CHD5: variants seen among roughly 807,000 people sequenced by gnomAD.
The protein encoded by CHD5 is ATP-dependent chromatin remodeler CHD5.
A neutral mutation model predicts 230.3 loss-of-function variants in CHD5; 69 were observed. The observed-to-expected ratio is 0.30, with a 90% CI of 0.25 to 0.37. CHD5 has a LOEUF of 0.37. Ranked by LOEUF, CHD5 falls within the 10% of genes least tolerant of loss-of-function variation. The probability of loss-of-function intolerance (pLI) is 1.00; values close to 1 mark genes in which losing one functional copy is unlikely to be tolerated. For synonymous variants in CHD5, 1,064 were observed against 1,065.9 expected (o/e 1.00, Z 0.03); for missense variants, 1,827 against 2,622.8 (o/e 0.70, Z 6.63).
intron 38 of CHD5, among the ~76,000 whole-genome samples, chr1:6,109,572 C>T (rs1248971470): frequency 6.6e-6 from 1 of 152,194 alleles, no homozygotes; most frequent in East Asian, 1.9e-4. Context: ...ACAGAGCAGG[C>T]TTGAGAAACA....
In CHD5 at chr1:6,134,525, G is replaced by A. The variant is rs1666709510; in HGVS notation, c.3012+193C>T. ...ACCACAGCAGCGGGTTCCACGGTAA[G>A]TTCCCCAGCACCTACCAGAGTGGCC... On this transcript the variant is annotated intron_variant, in intron 19 of 41. Coordinates refer to ENST00000262450, the MANE Select transcript of CHD5 (RefSeq NM_015557.3). The surrounding 1 kb of genome is among the most constrained non-coding windows in gnomAD (Gnocchi z 6.3). Among the ~76,000 whole-genome samples, 1 of 152,174 alleles carries A rather than the reference G, an allele frequency of 6.6e-6. No individual in the cohort carries two copies. Among genetic ancestry groups the A allele is most frequent in the Non-Finnish European group, 1.5e-5 (1 of 68,022 alleles).
At chr1:6,122,667 C>T (rs1167784719) in intron 31 of CHD5, among the ~76,000 whole-genome samples, 1 of 152,172 alleles carries the variant, frequency 6.6e-6, no homozygotes, top group African/African-American at 2.4e-5. Context: ...CGTATGTCCA[C>T]GCAAAAACAT....
chr1:6,112,200 T>C lies in CHD5; in HGVS notation c.5080A>G (p.Lys1694Glu), dbSNP rs200902435. 2.5e-4 allele frequency: 403 copies of C among 1,614,120 alleles called. No individual in the cohort carries two copies. Among genetic ancestry groups the C allele is most frequent in the Non-Finnish European group, 3.0e-4 (355 of 1,180,014 alleles). ...TTGAATTTCCCCTTCTTGTCCTCCT[T>C]CTTCCCCTCGTCATCTTCCTCTTTG... ...GDKEEDDEGK[K>E]EDKKGKFKFM... Residue 1694 changes from lysine to glutamate, a missense_variant, in exon 35 of 42, where the codon AAG (lysine) becomes GAG (glutamate). Lys to Glu is a moderately conservative substitution (Grantham distance 56). Transcript: ENST00000262450.
At chr1:6,144,599 A>G (rs1666881712) in intron 11 of CHD5, among the ~76,000 whole-genome samples, 1 of 152,246 alleles carries the variant, frequency 6.6e-6, no homozygotes, top group Non-Finnish European at 1.5e-5. Flanking sequence ...TCATCTCTGC[A>G]AAGTAGATAA....
At chr1:6,150,900 T>C (rs1666996374) in intron 7 of CHD5, 132 bp downstream of exon 7, 2 of 1,186,376 alleles carry the variant, frequency 1.7e-6, no homozygotes. Flanking sequence ...GCCCTCCCCC[T>C]GCTTCCCACG....
intron 5 of CHD5, among the ~76,000 whole-genome samples, chr1:6,153,468 C>T (rs770295199): frequency 4.1e-4 from 62 of 152,186 alleles, no homozygotes; most frequent in Non-Finnish European, 8.4e-4. Context: ...AGACACAGAA[C>T]CCCAGAAACT....
chr1:6,124,663 TGGGGTGGG>T lies in CHD5; in HGVS notation c.4395-10_4395-3del. On this transcript the variant is annotated splice_region_variant and splice_polypyrimidine_tract_variant and intron_variant, in intron 29 of 41. Transcript: ENST00000262450. ...CGCATGAAGAGGGACACATAGGCTC[TGGGGTGGG>T]GGGGGGGGACTGGGGCTCAGGGAGT... 5.1e-5 allele frequency: 3 copies of T among 58,490 alleles called. No individual in the cohort carries two copies. Among genetic ancestry groups the T allele is most frequent in the Non-Finnish European group, 8.5e-5 (3 of 35,134 alleles). 3.6% of individuals were successfully genotyped at this position (58,490 alleles called of 1,614,324 possible).
Position 6,152,472 on chromosome 1 carries a change from C to T in CHD5, c.810G>A (p.Lys270=). Residue 270 remains lysine (K), a synonymous_variant, in exon 6 of 42, where the codon AAG becomes AAA. Transcript: ENST00000262450. The part of the protein sequence containing the change: ...KDGKKKGKGK[K]TAGLKFRFGG... Reference sequence around the variant, plus strand: ...CGAAGCGGAACTTGAGCCCGGCCGTCTTTTTCCCTTTGCCCTTTTTCTTCC... The same window carrying T: ...CGAAGCGGAACTTGAGCCCGGCCGTTTTTTTCCCTTTGCCCTTTTTCTTCC... The T allele has an allele frequency of 6.2e-7, 1 of 1,614,198 alleles. No homozygotes were observed. Among genetic ancestry groups the T allele is most frequent in the South Asian group, 1.1e-5 (1 of 91,080 alleles).
rs370445538 is a variant in CHD5 at position 6,145,459 on chromosome 1, A to C, written c.1802+753T>G. ...AGCAGGTACTCTGGGCCCCACCCCAAGGCCCATCTGTCAGCCACCACCAGT... is the reference window on the plus strand; with the variant it reads ...AGCAGGTACTCTGGGCCCCACCCCACGGCCCATCTGTCAGCCACCACCAGT... On this transcript the variant is annotated intron_variant, in intron 11 of 41. Coordinates refer to ENST00000262450, the MANE Select transcript of CHD5 (RefSeq NM_015557.3). Among the ~76,000 whole-genome samples the C allele has an allele frequency of 7.4e-4, 112 of 152,340 alleles. 2 individuals carry two copies. In the East Asian group the frequency reaches 0.015, roughly 20 times the overall value.
At chr1:6,122,625 A>G (rs1571144793) in intron 31 of CHD5, among the ~76,000 whole-genome samples, 1 of 152,202 alleles carries the variant, frequency 6.6e-6, no homozygotes, top group African/African-American at 2.4e-5. Flanking sequence ...CAGCAATTCC[A>G]TTCCTAGATA....
chr1:6,174,992 TGGATGGC>T lies in CHD5; in HGVS notation c.79+4946_79+4952del, dbSNP rs1179487424. Among the ~76,000 whole-genome samples the T allele has an allele frequency of 6.5e-3, 937 of 144,054 alleles. 16 individuals are homozygous for T. Among genetic ancestry groups the T allele is most frequent in the African/African-American group, 0.024 (885 of 37,162 alleles). The allele number at this position is 144,054 out of a possible 152,430, so 94.5% of individuals were successfully genotyped here. A position where few individuals can be genotyped will look rare whatever the true frequency, so the allele number is the denominator to read the frequency against. On this transcript the variant is annotated intron_variant, in intron 1 of 41. Transcript: ENST00000262450. ...GATGAAGGATGGATGGATGGATGGA[TGGATGGC>T]AGATGGATGGCTGAATGGATAATGG...
rs1222864660 is a variant in CHD5, at chr1:6,130,185, G to A, written c.3387+19C>T. Reference sequence around the variant, plus strand: ...ATGAGAGGCCCCCTGGGAGGGTGGTGGGCGGCAGCAGCACAGACCTGGATG... The same window carrying A: ...ATGAGAGGCCCCCTGGGAGGGTGGTAGGCGGCAGCAGCACAGACCTGGATG... On this transcript the variant is annotated intron_variant, in intron 22 of 41. Coordinates refer to ENST00000262450, the MANE Select transcript of CHD5 (RefSeq NM_015557.3). The surrounding 1 kb of genome is among the most constrained non-coding windows in gnomAD (Gnocchi z 4.9). The A allele has an allele frequency of 1.2e-6, 2 of 1,613,202 alleles. No individual in the cohort carries two copies. Among genetic ancestry groups the A allele is most frequent in the Admixed American group, 3.3e-5 (2 of 59,992 alleles).
chr1:6,148,696 TCGAGCAGCGC>T (rs1666949086), intron 9 of CHD5, among the ~76,000 whole-genome samples, 148 bp downstream of exon 9: 1 of 151,930 alleles, frequency 6.6e-6, no homozygotes, highest in Non-Finnish European at 1.5e-5. Flanking sequence ...GGACGGGGTC[TCGAGCAGCGC>T]GGGCGAAGCT....
Position 6,102,559 on chromosome 1 carries a change from T to C in CHD5, c.*2915A>G, listed in dbSNP as rs1436537477. 1.3e-5 allele frequency: 2 copies of C among 152,316 alleles called. No individual in the cohort carries two copies. The highest frequency in any genetic ancestry group is 2.1e-4 in the South Asian group (1 of 4,834). 9.4% of individuals were successfully genotyped at this position (152,316 alleles called of 1,614,324 possible). A position where few individuals can be genotyped will look rare whatever the true frequency, so the allele number is the denominator to read the frequency against. ...AAGTCCATCTGGCTTCTGGCTCCCATGTACCCGAGCCCACTCTCCACTCCA... is the reference window on the plus strand; with the variant it reads ...AAGTCCATCTGGCTTCTGGCTCCCACGTACCCGAGCCCACTCTCCACTCCA... On this transcript the variant is annotated 3_prime_UTR_variant, in exon 42 of 42. Transcript: ENST00000262450.
At chr1:6,149,818 G>A (rs1289792790) in intron 7 of CHD5, among the ~76,000 whole-genome samples, 1 of 151,318 alleles carries the variant, frequency 6.6e-6, no homozygotes, top group Non-Finnish European at 1.5e-5. Flanking sequence ...TAGGTGGATG[G>A]AAGGATGGAT....
chr1:6,164,469 G>A (rs1010853276), intron 2 of CHD5, among the ~76,000 whole-genome samples: 4 of 152,192 alleles, frequency 2.6e-5, no homozygotes, highest in African/African-American at 7.2e-5. Flanking sequence ...CTCAGGTTCC[G>A]GCTGCAGCCC....
In CHD5 at chr1:6,154,570, C is replaced by T. The variant is rs1302502660; in HGVS notation, c.745+90G>A. ...TTAGGAGCACCCCAGCTGCCCCTCC[C>T]TGCCCGCGTCTGCCCCGTGGCTTCT... On this transcript the variant is annotated intron_variant, in intron 5 of 41. Coordinates refer to ENST00000262450, the MANE Select transcript of CHD5 (RefSeq NM_015557.3). The surrounding 1 kb of genome is among the most constrained non-coding windows in gnomAD (Gnocchi z 7.0). The T allele has an allele frequency of 7.3e-6, 9 of 1,225,296 alleles. No homozygotes were observed. Among genetic ancestry groups the T allele is most frequent in the Middle Eastern group, 2.9e-4 (1 of 3,422 alleles). The allele number at this position is 1,225,296 out of a possible 1,614,324, so 75.9% of individuals were successfully genotyped here.
chr1:6,139,734 C>T (rs557411985), intron 15 of CHD5, among the ~76,000 whole-genome samples: 5 of 152,264 alleles, frequency 3.3e-5, no homozygotes, highest in East Asian at 1.9e-4. Context: ...CTTTTAAAAA[C>T]GGTTAAGATG....
chr1:6,111,855 C>T lies in CHD5; in HGVS notation c.5169G>A (p.Glu1723=), dbSNP rs779929792. Residue 1723 remains glutamate (E), a synonymous_variant, in exon 36 of 42, where the codon GAG becomes GAA. Coordinates refer to ENST00000262450, the MANE Select transcript of CHD5 (RefSeq NM_015557.3). ...TELHTLWQNE[E]RAAVSSGKIY... ...TTTTCCCAGAGGATACAGCAGCCCGCTCCTCGTTCTGCCACAGCGTGTGCA... is the reference window on the plus strand; with the variant it reads ...TTTTCCCAGAGGATACAGCAGCCCGTTCCTCGTTCTGCCACAGCGTGTGCA... The T allele has an allele frequency of 6.2e-6, 10 of 1,613,158 alleles. No individual in the cohort carries two copies. The highest frequency in any genetic ancestry group is 1.6e-4 in the Middle Eastern group (1 of 6,084).
Sources: gnomAD v4.1 joint callset for allele counts (sites outside exome capture counted in the v4.1 genomes callset) on GRCh38, gnomAD v4.1.1 for gene constraint, Gnocchi (gnomAD v3.1) non-coding constraint, MANE v1.5 for transcripts, NCBI Gene and HGNC (gene_info 2026-07-23, HGNC 2026-07-21) for gene names.